Variants in OPCML observed in about 807,000 individuals in gnomAD.
The protein encoded by OPCML is opioid-binding protein/cell adhesion molecule.
A neutral mutation model predicts 37.8 loss-of-function variants in OPCML; 13 were observed. That is an observed-to-expected ratio of 0.34 (90% CI 0.22 to 0.55). The LOEUF is 0.55. Ranked by LOEUF, OPCML falls within the 20% of genes least tolerant of loss-of-function variation. The pLI is 0.91. For missense variants in OPCML, 341 were observed against 435.6 expected (o/e 0.78, Z 1.93); for synonymous variants, 176 against 168.8 (o/e 1.04, Z -0.33).
intron 1 of OPCML, among the ~76,000 whole-genome samples, chr11:132,992,878 CTGTT>C (rs1946807319): frequency 6.6e-6 from 1 of 152,142 alleles, no homozygotes; most frequent in African/African-American, 2.4e-5. Flanking sequence ...ATTGGAATGG[CTGTT>C]TGTTTTCTAA....
rs550775807 is a variant in OPCML at position 133,532,424 on chromosome 11, C to T, written c.-100G>A. ...TGCTGAATTCTGAGCAGGTTTAAAT[C>T]CAATGTTTGCAAAGGGAGGGAGAGA... On this transcript the variant is annotated 5_prime_UTR_variant, in exon 1 of 8. Coordinates refer to ENST00000524381, the MANE Select transcript of OPCML (RefSeq NM_001012393.5). 4.1e-5 allele frequency: 59 copies of T among 1,430,066 alleles called. No individual in the cohort carries two copies. In the South Asian group the frequency reaches 6.8e-4, roughly 17 times the overall value. 88.6% of individuals were successfully genotyped at this position (1,430,066 alleles called of 1,614,324 possible).
chr11:132,684,108 A>G (rs1329895526), intron 2 of OPCML, among the ~76,000 whole-genome samples: 2 of 152,208 alleles, frequency 1.3e-5, no homozygotes, highest in East Asian at 1.9e-4. Context: ...TCTAGGCTAC[A>G]CGATAATCGC....
chr11:132,510,714 G>A (rs186924594), intron 4 of OPCML, among the ~76,000 whole-genome samples: 4 of 152,266 alleles, frequency 2.6e-5, no homozygotes, highest in Non-Finnish European at 5.9e-5. Context: ...ATGTGGAACT[G>A]TTAAGTCCAA....
chr11:132,513,638 T>C (rs1197060251), intron 4 of OPCML, among the ~76,000 whole-genome samples: 4 of 152,162 alleles, frequency 2.6e-5, no homozygotes, highest in African/African-American at 7.2e-5. Context: ...GCCTAGAATA[T>C]TTCTCTTTGC....
chr11:133,156,601 G>A (rs985560581), intron 1 of OPCML, among the ~76,000 whole-genome samples: 3 of 152,114 alleles, frequency 2.0e-5, no homozygotes, highest in African/African-American at 7.2e-5. Flanking sequence ...CTCATAATAG[G>A]AGCTAATGAA....
At chr11:132,686,896 G>A (rs185303976) in intron 2 of OPCML, among the ~76,000 whole-genome samples, 48 of 152,186 alleles carry the variant, frequency 3.2e-4, no homozygotes, top group East Asian at 2.9e-3. Context: ...AGAAAAGGCC[G>A]TGGCACAGAA....
At chr11:133,020,776 G>A (rs541148121) in intron 1 of OPCML, among the ~76,000 whole-genome samples, 4 of 152,308 alleles carry the variant, frequency 2.6e-5, no homozygotes, top group African/African-American at 9.6e-5. Context: ...TGACTTAATG[G>A]TGTAGAAAAG....
intron 1 of OPCML, among the ~76,000 whole-genome samples, chr11:133,512,389 G>C (rs560569870): frequency 1.3e-5 from 2 of 152,362 alleles, no homozygotes; most frequent in South Asian, 4.1e-4. Flanking sequence ...AATGAATGGA[G>C]TAAGGTATGG....
chr11:132,964,223 C>A (rs1329695376), intron 1 of OPCML, among the ~76,000 whole-genome samples: 1 of 152,184 alleles, frequency 6.6e-6, no homozygotes, highest in African/African-American at 2.4e-5. Flanking sequence ...GTGTCTGAAT[C>A]GTGTTGACTA....
At chr11:133,372,112 G>A (rs1262453316) in intron 1 of OPCML, among the ~76,000 whole-genome samples, 1 of 152,116 alleles carries the variant, frequency 6.6e-6, no homozygotes, top group Non-Finnish European at 1.5e-5. Context: ...ATATTTGACA[G>A]CACAGTAGAG....
intron 3 of OPCML, among the ~76,000 whole-genome samples, chr11:132,579,486 C>T (rs1024011466): frequency 6.6e-6 from 1 of 151,778 alleles, no homozygotes; most frequent in Non-Finnish European, 1.5e-5. Context: ...GTGGTAATAA[C>T]AGCTTATGGG....
chr11:132,994,237 CGCGCGCGGGA>C (rs1447817968), intron 1 of OPCML, among the ~76,000 whole-genome samples: 1 of 152,168 alleles, frequency 6.6e-6, no homozygotes, highest in Admixed American at 6.5e-5. Flanking sequence ...CAGGAGCCGG[CGCGCGCGGGA>C]GCACGTCCGG....
At chr11:133,323,184 A>T (rs573819853) in intron 1 of OPCML, among the ~76,000 whole-genome samples, 2 of 152,270 alleles carry the variant, frequency 1.3e-5, no homozygotes, top group Admixed American at 6.5e-5. Context: ...GGGGGAAGGC[A>T]TGTGCCAGAG....
At chr11:133,249,024 C>G (rs536358082) in intron 1 of OPCML, among the ~76,000 whole-genome samples, 1 of 152,220 alleles carries the variant, frequency 6.6e-6, no homozygotes, top group East Asian at 1.9e-4. Context: ...GGTATAAAAC[C>G]AATGTTTCAT....
In OPCML at chr11:133,157,914, C is replaced by T. The variant is rs528626857; in HGVS notation, c.62-214904G>A. On this transcript the variant is annotated intron_variant, in intron 1 of 7. Coordinates refer to ENST00000524381, the MANE Select transcript of OPCML (RefSeq NM_001012393.5). ...CAAAAACATATCATTCTGCTTGCCCCGGGGGGCACTGGTTATACAAGAGGC... is the reference window on the plus strand; with the variant it reads ...CAAAAACATATCATTCTGCTTGCCCTGGGGGGCACTGGTTATACAAGAGGC... Among the ~76,000 whole-genome samples the T allele has an allele frequency of 9.9e-5, 15 of 152,220 alleles. No homozygotes were observed. The South Asian group carries it at 2.9e-3, about 30-fold the overall frequency.
intron 1 of OPCML, chr11:133,006,607 G>A: frequency 1.2e-5 from 12 of 985,434 alleles, no homozygotes; most frequent in Non-Finnish European, 1.3e-5. Flanking sequence ...GCCGAACCAT[G>A]CCCCACTGGC....
intron 2 of OPCML, among the ~76,000 whole-genome samples, chr11:132,741,636 C>A (rs553318859): frequency 2.0e-5 from 3 of 152,262 alleles, no homozygotes; most frequent in Admixed American, 6.5e-5. Flanking sequence ...TATAATATTA[C>A]AATTTCAACT....
At chr11:132,535,847 G>A (rs2096339236) in intron 3 of OPCML, among the ~76,000 whole-genome samples, 1 of 152,124 alleles carries the variant, frequency 6.6e-6, no homozygotes, top group Non-Finnish European at 1.5e-5. Context: ...GTGAAGGTAT[G>A]GGTAAAACTC....
Position 133,205,551 on chromosome 11 carries a change from G to A in OPCML, c.62-262541C>T, listed in dbSNP as rs187128161. ...TGAGCCTCACCCTATGGGGACTGAC[G>A]CCGTCTCCAGGTAGACAGTGTCAGA... On this transcript the variant is annotated intron_variant, in intron 1 of 7. Transcript: ENST00000524381. The surrounding 1 kb of genome is among the most constrained non-coding windows in gnomAD (Gnocchi z 4.8). Among the ~76,000 whole-genome samples, 5 of 152,296 alleles carry A rather than the reference G, an allele frequency of 3.3e-5. No individual in the cohort carries two copies. The highest frequency in any genetic ancestry group is 1.9e-4 in the East Asian group (1 of 5,172).
Sources: gnomAD v4.1 joint callset for allele counts (sites outside exome capture counted in the v4.1 genomes callset) on GRCh38, gnomAD v4.1.1 for gene constraint, Gnocchi (gnomAD v3.1) non-coding constraint, MANE v1.5 for transcripts, NCBI Gene and HGNC (gene_info 2026-07-23, HGNC 2026-07-21) for gene names.